The following UNC13A variants were observed in gnomAD, a reference collection of about 807,000 sequenced individuals.
UNC13A encodes protein unc-13 homolog A.
A neutral mutation model predicts 219.7 loss-of-function variants in UNC13A; 61 were observed. The observed-to-expected ratio is 0.28, with a 90% CI of 0.23 to 0.34. The LOEUF (loss-of-function observed/expected upper bound fraction) is 0.34, where lower values mean the gene tolerates loss of function less well. Ranked by LOEUF, UNC13A falls within the 10% of genes least tolerant of loss-of-function variation. UNC13A has a pLI of 1.00. For missense variants in UNC13A, 1,476 were observed against 2,270.3 expected, an observed-to-expected ratio of 0.65 and a Z score of 7.11; for synonymous variants, 920 against 884.6, an observed-to-expected ratio of 1.04 and a Z score of -0.71.
chr19:17,624,519 T>C (rs1472165607), intron 35 of UNC13A, among the ~76,000 whole-genome samples: 1 of 152,216 alleles, frequency 6.6e-6, no homozygotes, highest in East Asian at 1.9e-4. Flanking sequence ...GACCTACATG[T>C]GACCTCTATG....
chr19:17,657,976 TC>T (rs2079487798), intron 9 of UNC13A, 85 bp downstream of exon 9: 1 of 1,415,502 alleles, frequency 7.1e-7, no homozygotes, highest in Admixed American at 2.0e-5. Flanking sequence ...GAACTCCACC[TC>T]CAGCTCTGTC....
At chr19:17,670,473 G>A (rs2079764409) in intron 4 of UNC13A, among the ~76,000 whole-genome samples, 1 of 151,832 alleles carries the variant, frequency 6.6e-6, no homozygotes, top group Admixed American at 6.6e-5. Context: ...CTGAGCTCAG[G>A]CAATCCACCT....
chr19:17,664,828 C>T (rs1023288226), intron 7 of UNC13A, among the ~76,000 whole-genome samples: 6 of 152,160 alleles, frequency 3.9e-5, no homozygotes, highest in African/African-American at 7.2e-5. Context: ...GTTCCATTAC[C>T]ACCCTCCTGG....
At chr19:17,678,940 T>C (rs564802380) in intron 1 of UNC13A, among the ~76,000 whole-genome samples, 1 of 151,390 alleles carries the variant, frequency 6.6e-6, no homozygotes, top group South Asian at 2.1e-4. Flanking sequence ...TCTGGACAGA[T>C]GGAGAGAAAT....
Position 17,644,529 on chromosome 19 carries a change from T to G in UNC13A, c.2356+1145A>C, listed in dbSNP as rs1599369973. Among the ~76,000 whole-genome samples the G allele has an allele frequency of 2.1e-5, 3 of 145,656 alleles. 1 individual carries two copies. Among genetic ancestry groups the G allele is most frequent in the South Asian group, 4.5e-4 (2 of 4,458 alleles). On this transcript the variant is annotated intron_variant, in intron 19 of 43. Transcript: ENST00000519716. ...TTTTTTTTCTTTTTCTTTTGTTTTT[T>G]TTTTTTTTTTTTGAGACGGAGTCTT... is the stretch of plus-strand genomic sequence containing the variant.
At chr19:17,632,757 G>T (rs1479400389) in intron 28 of UNC13A, 25 bp downstream of exon 28, 1 of 1,613,308 alleles carries the variant, frequency 6.2e-7, no homozygotes, top group Admixed American at 1.7e-5. Context: ...TCTGGCTTGG[G>T]TTGGGCCTGG....
In UNC13A at chr19:17,605,982, A is replaced by C. The variant is rs2076520554; in HGVS notation, c.*72T>G. ...CCCCGCCCCTGGGGAGGTCCCACCA[A>C]GGCGCAAGCCCCGTCCCTCCCCGCC... is the stretch of plus-strand genomic sequence containing the variant. On this transcript the variant is annotated 3_prime_UTR_variant, in exon 44 of 44. Transcript: ENST00000519716. The C allele has an allele frequency of 7.5e-7, 1 of 1,336,834 alleles. No individual in the cohort carries two copies. Among genetic ancestry groups the C allele is most frequent in the South Asian group, 1.8e-5 (1 of 55,806 alleles). The allele number at this position is 1,336,834 out of a possible 1,614,324, so 82.8% of individuals were successfully genotyped here.
chr19:17,605,984 G>C lies in UNC13A; in HGVS notation c.*70C>G, dbSNP rs916182319. 3 of 1,351,418 alleles carry C rather than the reference G, an allele frequency of 2.2e-6. No individual in the cohort carries two copies. The African/African-American group carries it at 4.6e-5, about 21-fold the overall frequency. The allele number at this position is 1,351,418 out of a possible 1,614,324, so 83.7% of individuals were successfully genotyped here. On this transcript the variant is annotated 3_prime_UTR_variant, in exon 44 of 44. Transcript: ENST00000519716. ...CCGCCCCTGGGGAGGTCCCACCAAG[G>C]CGCAAGCCCCGTCCCTCCCCGCCCA...
Position 17,656,351 on chromosome 19 carries a change from C to T in UNC13A, c.815G>A (p.Gly272Glu). Residue 272 changes from glycine (G) to glutamate (E), a missense_variant, in exon 10 of 44, where the codon GGA becomes GAA. Transcript: ENST00000519716. ...RYASSGELSQ[G>E]SSQLSEDFDP... The stretch of plus-strand genomic sequence containing the variant: ...GAAGTCCTCGCTCAGCTGAGAGCTT[C>T]CCTGGCTCAGCTCCCCGGAAGAGGC... The T allele has an allele frequency of 6.4e-7, 1 of 1,557,248 alleles. No homozygotes were observed. Among genetic ancestry groups the T allele is most frequent in the Non-Finnish European group, 8.7e-7 (1 of 1,151,664 alleles).
chr19:17,688,063 C>T, intron 1 of UNC13A, 115 bp downstream of exon 1: 1 of 1,348,872 alleles, frequency 7.4e-7, no homozygotes. Context: ...TCTCAAAAGT[C>T]CAGCCACCTG....
chr19:17,652,552 G>C (rs1442072090), intron 12 of UNC13A, 79 bp downstream of exon 12: 11 of 1,583,962 alleles, frequency 6.9e-6, no homozygotes, highest in Non-Finnish European at 9.5e-6. Context: ...CCTCCTCTCT[G>C]GGCTGAGGCT....
At position 17,649,627 on chromosome 19, in the gene UNC13A, T is replaced by A. The variant is rs770432382; in HGVS notation, c.1440-40A>T. 1.2e-6 allele frequency: 2 copies of A among 1,609,258 alleles called. No individual in the cohort carries two copies. Among genetic ancestry groups the A allele is most frequent in the Non-Finnish European group, 1.7e-6 (2 of 1,175,824 alleles). The stretch of plus-strand genomic sequence containing the variant: ...GGGACACTGAGGGCCCAGATGTCCC[T>A]ATTCCTCACATAGAGCCCTGGGGAG... On this transcript the variant is annotated intron_variant, in intron 12 of 43. Coordinates refer to ENST00000519716, the MANE Select transcript of UNC13A (RefSeq NM_001080421.3). The surrounding 1 kb of genome is among the most constrained non-coding windows in gnomAD (Gnocchi z 4.4).
At chr19:17,642,057 T>TCCATCCATCC (rs1181007831) in intron 20 of UNC13A, among the ~76,000 whole-genome samples, 16 of 69,436 alleles carry the variant, frequency 2.3e-4, no homozygotes, top group Middle Eastern at 7.8e-3. Context: ...TCCATCCATC[T>TCCATCCATCC]ACCTATCTAC....
At chr19:17,685,833 G>A (rs539417809) in intron 1 of UNC13A, among the ~76,000 whole-genome samples, 7 of 152,110 alleles carry the variant, frequency 4.6e-5, no homozygotes, top group African/African-American at 1.7e-4. Flanking sequence ...AGGGGAGGGG[G>A]GACAGGTATT....
intron 4 of UNC13A, among the ~76,000 whole-genome samples, chr19:17,670,431 C>T (rs557043188): frequency 1.1e-4 from 17 of 151,808 alleles, no homozygotes; most frequent in Admixed American, 1.3e-4. Flanking sequence ...TGAGTAGAGA[C>T]GGGGTTTCAC....
At chr19:17,647,524 G>A in intron 16 of UNC13A, 32 bp from the exon 17 acceptor site, 21 of 1,598,212 alleles carry the variant, frequency 1.3e-5, no homozygotes, top group Non-Finnish European at 1.8e-5. Context: ...GCTGACCCCA[G>A]CGCGCCCTGC....
chr19:17,627,830 C>T lies in UNC13A; in HGVS notation c.3831+33G>A, dbSNP rs1461397611. The T allele has an allele frequency of 6.4e-7, 1 of 1,572,172 alleles. No homozygotes were observed. The highest frequency in any genetic ancestry group is 1.1e-5 in the South Asian group (1 of 88,222). The stretch of plus-strand genomic sequence containing the variant: ...GGACACAGTGGTGGGGGTGCCCCAT[C>T]CCTTCTCCAGCCCTGCCTCGGCCCT... On this transcript the variant is annotated intron_variant, in intron 32 of 43. Coordinates refer to ENST00000519716, the MANE Select transcript of UNC13A (RefSeq NM_001080421.3). The surrounding 1 kb of genome is among the most constrained non-coding windows in gnomAD (Gnocchi z 4.7).
At chr19:17,609,382 C>T (rs1363732490) in intron 43 of UNC13A, among the ~76,000 whole-genome samples, 3 of 151,974 alleles carry the variant, frequency 2.0e-5, no homozygotes, top group African/African-American at 4.8e-5. Context: ...TGTGACCCCA[C>T]CTCCACCCCA....
At chr19:17,677,745 A>G (rs1157402873) in intron 1 of UNC13A, among the ~76,000 whole-genome samples, 3 of 152,106 alleles carry the variant, frequency 2.0e-5, no homozygotes, top group African/African-American at 7.2e-5. Context: ...ATGCATGCAC[A>G]TGTTGTAAAA....
Sources: allele counts gnomAD v4.1 joint callset (sites outside exome capture counted in the v4.1 genomes callset), GRCh38; gene constraint gnomAD v4.1.1; non-coding constraint Gnocchi (gnomAD v3.1); transcripts MANE v1.5; gene names NCBI Gene and HGNC (gene_info 2026-07-23, HGNC 2026-07-21).